The following MGMT variants were observed in gnomAD, a reference collection of about 807,000 sequenced individuals.
MGMT encodes O-6-methylguanine-DNA methyltransferase, also known as methylated-DNA--protein-cysteine methyltransferase.
Under a neutral mutation model 15.9 loss-of-function variants are expected in MGMT, and 14 were observed. That is an observed-to-expected ratio of 0.88 (90% CI 0.58 to 1.37). The LOEUF (loss-of-function observed/expected upper bound fraction) is 1.37. Ranked by LOEUF, MGMT falls within the 40% of genes most tolerant of loss-of-function variation. MGMT has a pLI of 0.00. For synonymous variants in MGMT, 130 were observed against 118.2 expected (o/e 1.10, Z -0.65); for missense variants, 282 against 268.1 (o/e 1.05, Z -0.36).
At chr10:129,754,027 C>T (rs142177166) in intron 3 of MGMT, among the ~76,000 whole-genome samples, 1 of 152,308 alleles carries the variant, frequency 6.6e-6, no homozygotes, top group East Asian at 1.9e-4. Context: ...GTCCTCTTAA[C>T]ATCAGTTCTT....
chr10:129,754,688 C>T (rs1218035708), intron 3 of MGMT, among the ~76,000 whole-genome samples: 1 of 152,268 alleles, frequency 6.6e-6, no homozygotes, highest in Non-Finnish European at 1.5e-5. Context: ...CCGGCATCTG[C>T]TGAGGGCCAC....
chr10:129,506,797 T>C (rs1056336267), intron 1 of MGMT, among the ~76,000 whole-genome samples: 1 of 152,230 alleles, frequency 6.6e-6, no homozygotes, highest in Non-Finnish European at 1.5e-5. Flanking sequence ...CTTCTTAATC[T>C]ACCCCCTTTA....
chr10:129,478,507 A>T (rs1429774590), intron 1 of MGMT, among the ~76,000 whole-genome samples: 1 of 152,246 alleles, frequency 6.6e-6, no homozygotes, highest in Non-Finnish European at 1.5e-5. Flanking sequence ...AGGTAGATAG[A>T]AAAGGTTAAA....
intron 3 of MGMT, among the ~76,000 whole-genome samples, chr10:129,737,870 G>A (rs961310446): frequency 3.3e-5 from 5 of 152,294 alleles, no homozygotes; most frequent in East Asian, 3.9e-4. Flanking sequence ...CTGCTTGAGG[G>A]TCAGGGGTCA....
chr10:129,651,412 A>G (rs989150096), intron 2 of MGMT, among the ~76,000 whole-genome samples: 29 of 147,646 alleles, frequency 2.0e-4, no homozygotes, highest in Middle Eastern at 6.9e-3. Context: ...TTTTTTTAAG[A>G]AAAAAAAAAG....
At chr10:129,574,405 C>T (rs1055654587) in intron 2 of MGMT, among the ~76,000 whole-genome samples, 5 of 152,118 alleles carry the variant, frequency 3.3e-5, no homozygotes, top group Admixed American at 6.5e-5. Context: ...CATACTGTGG[C>T]GAAGAGCTTT....
rs142067563 is a variant in MGMT at position 129,552,556 on chromosome 10, G to A, written c.125+16179G>A. 2.3e-3 allele frequency among the ~76,000 whole-genome samples: 343 copies of A among 152,352 alleles called. 1 individual carries two copies. The highest frequency in any genetic ancestry group is 7.8e-3 in the African/African-American group (326 of 41,582). Reference sequence around the variant, plus strand: ...TTCTCCATGAGGACTGAGCCTCATAGTTTGTCCCTGTACCGGTGTCAGTTC... The same window carrying A: ...TTCTCCATGAGGACTGAGCCTCATAATTTGTCCCTGTACCGGTGTCAGTTC... On this transcript the variant is annotated intron_variant, in intron 2 of 4. Coordinates refer to ENST00000651593, the MANE Select transcript of MGMT (RefSeq NM_002412.5).
chr10:129,758,569 A>G lies in MGMT; in HGVS notation c.275-633A>G, dbSNP rs149673790. ...ATTCCTGCAGCAGGATGCGGCACAA[A>G]TGCAGTTGGATGTGGTTAGTCAATT... On this transcript the variant is annotated intron_variant, in intron 3 of 4. Coordinates refer to ENST00000651593, the MANE Select transcript of MGMT (RefSeq NM_002412.5). Among the ~76,000 whole-genome samples, 190 of 152,250 alleles carry G rather than the reference A, an allele frequency of 1.2e-3. 1 individual carries two copies. Among genetic ancestry groups the G allele is most frequent in the African/African-American group, 4.4e-3 (183 of 41,548 alleles).
chr10:129,681,138 TGTC>T (rs1847847649), intron 2 of MGMT, among the ~76,000 whole-genome samples: 1 of 152,190 alleles, frequency 6.6e-6, no homozygotes, highest in Non-Finnish European at 1.5e-5. Context: ...CAGGCGGCGT[TGTC>T]GTCCGATGGT....
In MGMT at chr10:129,533,748, T is replaced by C. The variant is rs1176289601; in HGVS notation, c.-12-2493T>C. On this transcript the variant is annotated intron_variant, in intron 1 of 4. Coordinates refer to ENST00000651593, the MANE Select transcript of MGMT (RefSeq NM_002412.5). This position sits in a 1 kb window ranked among gnomAD's most constrained non-coding sequence, Gnocchi z 4.5. The stretch of plus-strand genomic sequence containing the variant: ...ATGTGTGCTGTTCTTCAGGGAGCCC[T>C]GAGCAGAGCTGCCAGCATCCTGCCT... Among the ~76,000 whole-genome samples, 2 of 152,164 alleles carry C rather than the reference T, an allele frequency of 1.3e-5. No homozygotes were observed. The highest frequency in any genetic ancestry group is 2.9e-5 in the Non-Finnish European group (2 of 68,036).
In MGMT at chr10:129,660,374, T is replaced by C. The variant is rs75755743; in HGVS notation, c.126-47521T>C. On this transcript the variant is annotated intron_variant, in intron 2 of 4. Coordinates refer to ENST00000651593, the MANE Select transcript of MGMT (RefSeq NM_002412.5). Reference sequence around the variant, plus strand: ...GTCCTGCAGCCATTTCTTCAGAGGCTAAGGTGTGGGGGAGCACCTTGGGGA... The same window carrying C: ...GTCCTGCAGCCATTTCTTCAGAGGCCAAGGTGTGGGGGAGCACCTTGGGGA... Among the ~76,000 whole-genome samples the C allele has an allele frequency of 8.5e-3, 1,289 of 152,280 alleles. 17 individuals carry two copies. Among genetic ancestry groups the C allele is most frequent in the African/African-American group, 0.029 (1,206 of 41,544 alleles).
At position 129,489,683 on chromosome 10, in the gene MGMT, C is replaced by T. The variant is rs186310418; in HGVS notation, c.-13+22387C>T. Among the ~76,000 whole-genome samples the T allele has an allele frequency of 1.5e-4, 23 of 152,180 alleles. No homozygotes were observed. In the East Asian group the frequency reaches 4.2e-3, roughly 28 times the overall value. On this transcript the variant is annotated intron_variant, in intron 1 of 4. Coordinates refer to ENST00000651593, the MANE Select transcript of MGMT (RefSeq NM_002412.5). ...AGTTTTTTCATAAACAGCTTGTGCA[C>T]CTTTTGAAATACTCCCCGTGTCCTT...
chr10:129,534,583 G>A (rs1461824344), intron 1 of MGMT, among the ~76,000 whole-genome samples: 3 of 151,862 alleles, frequency 2.0e-5, no homozygotes, highest in African/African-American at 7.3e-5. Flanking sequence ...CTCTCTCCTC[G>A]TTCTTGGAAA....
Position 129,769,322 on chromosome 10 carries a change from C to T in MGMT, c.*2325C>T, listed in dbSNP as rs975504402. The stretch of plus-strand genomic sequence containing the variant: ...CGACATGAAAAGCCAGCACGCGGGT[C>T]GCCTAGAGCCGCTCTGCCTCCAAGC... On this transcript the variant is annotated 3_prime_UTR_variant, in exon 5 of 5. Coordinates refer to ENST00000651593, the MANE Select transcript of MGMT (RefSeq NM_002412.5). The T allele has an allele frequency of 1.3e-5, 2 of 152,236 alleles. No homozygotes were observed. Among genetic ancestry groups the T allele is most frequent in the East Asian group, 1.9e-4 (1 of 5,188 alleles). 9.4% of individuals were successfully genotyped at this position (152,236 alleles called of 1,614,324 possible).
At chr10:129,477,158 G>A (rs963826466) in intron 1 of MGMT, among the ~76,000 whole-genome samples, 5 of 152,100 alleles carry the variant, frequency 3.3e-5, no homozygotes, top group Non-Finnish European at 5.9e-5. Context: ...CTTCTGACCC[G>A]ATCCCCACGC....
intron 2 of MGMT, among the ~76,000 whole-genome samples, chr10:129,642,028 G>C (rs1215372856): frequency 6.6e-6 from 1 of 152,152 alleles, no homozygotes; most frequent in Non-Finnish European, 1.5e-5. Flanking sequence ...TTCTAGTAGG[G>C]CCACTTTTGA....
rs1270250908 is a variant in MGMT at position 129,659,834 on chromosome 10, A to G, written c.126-48061A>G. 6.6e-6 allele frequency among the ~76,000 whole-genome samples: 1 copy of G among 152,210 alleles called. No homozygotes were observed. The highest frequency in any genetic ancestry group is 1.5e-5 in the Non-Finnish European group (1 of 68,042). On this transcript the variant is annotated intron_variant, in intron 2 of 4. Coordinates refer to ENST00000651593, the MANE Select transcript of MGMT (RefSeq NM_002412.5). This position sits in a 1 kb window ranked among gnomAD's most constrained non-coding sequence, Gnocchi z 4.1. ...TTAAAGATTGCCTTTGAAATTGAGT[A>G]ATGGCGGATGCCCAGCACCTGATGT...
chr10:129,646,752 A>ATTTTTTT (rs1180606132), intron 2 of MGMT, among the ~76,000 whole-genome samples: 6 of 81,880 alleles, frequency 7.3e-5, no homozygotes, highest in South Asian at 3.4e-4. Flanking sequence ...ATATATATAT[A>ATTTTTTT]TATTTTCAGG....
intron 3 of MGMT, among the ~76,000 whole-genome samples, chr10:129,728,415 C>T (rs1208521723): frequency 6.6e-6 from 1 of 152,086 alleles, no homozygotes; most frequent in African/African-American, 2.4e-5. Context: ...AGGAAGGGGC[C>T]AAGGGGGCGG....
Sources: allele counts gnomAD v4.1 joint callset (sites outside exome capture counted in the v4.1 genomes callset), GRCh38; gene constraint gnomAD v4.1.1; non-coding constraint Gnocchi (gnomAD v3.1); transcripts MANE v1.5; gene names NCBI Gene and HGNC (gene_info 2026-07-23, HGNC 2026-07-21).